The following BTD variants were observed in gnomAD, a reference collection of about 807,000 sequenced individuals.
BTD encodes biotinidase.
BTD carries 13 observed loss-of-function variants against 17.7 expected under a neutral mutation model. The ratio of observed to expected loss-of-function variants is 0.74; its 90% CI spans 0.48 to 1.17. The LOEUF is 1.17. BTD is among the 50% of genes most tolerant of loss of function. The pLI, the probability that BTD is intolerant of heterozygous loss-of-function variation, is 0.00. For missense variants in BTD, 674 were observed against 650.4 expected (o/e 1.04, Z -0.39); for synonymous variants, 240 against 245.2 (o/e 0.98, Z 0.20).
Position 15,644,640 on chromosome 3 carries a change from A to C in BTD, c.724A>C (p.Lys242Gln). The change falls in exon 4 of 4, where the codon AAG (lysine) becomes CAG (glutamine). Residue 242 changes from lysine to glutamine, a missense_variant. By Grantham distance (53) the Lys-to-Gln change is moderately conservative. Transcript: ENST00000643237. Reference protein sequence around the residue: ...DPAIRVLRDYKVKHVVYPTAW... With the variant: ...DPAIRVLRDYQVKHVVYPTAW... ...TGCCATCAGAGTCCTCAGAGACTACAAGGTGAAGCATGTTGTGTACCCAAC... is the reference window on the plus strand; with the variant it reads ...TGCCATCAGAGTCCTCAGAGACTACCAGGTGAAGCATGTTGTGTACCCAAC... The C allele has an allele frequency of 6.2e-7, 1 of 1,614,198 alleles. No homozygotes were observed. Among genetic ancestry groups the C allele is most frequent in the Non-Finnish European group, 8.5e-7 (1 of 1,180,042 alleles).
intron 4 of BTD, chr3:15,720,845 G>A (rs2073650678): frequency 1.6e-5 from 21 of 1,352,918 alleles, no homozygotes; most frequent in Non-Finnish European, 2.2e-5. Context: ...ATTGCTCAAT[G>A]GTATTCACCA....
intron 3 of BTD, among the ~76,000 whole-genome samples, chr3:15,659,607 A>T (rs757609598): frequency 3.5e-4 from 53 of 152,214 alleles, no homozygotes; most frequent in Non-Finnish European, 5.6e-4. Flanking sequence ...GAGGACCCAG[A>T]CTAACAGAGT....
exon 4 of BTD, chr3:15,712,068 C>T: frequency 8.6e-7 from 1 of 1,156,402 alleles, no homozygotes; most frequent in South Asian, 1.3e-5. Flanking sequence ...TTTTAAAAAG[C>T]AGGATAGAGA....
At chr3:15,603,851 A>T (rs575373270) in intron 1 of BTD, among the ~76,000 whole-genome samples, 214 of 152,234 alleles carry the variant, frequency 1.4e-3, no homozygotes, top group African/African-American at 5.1e-3. Context: ...CTCCAAAATG[A>T]TCTTTGGATC....
At chr3:15,618,826 A>G (rs138961260) in intron 1 of BTD, among the ~76,000 whole-genome samples, 1 of 152,228 alleles carries the variant, frequency 6.6e-6, no homozygotes. Context: ...TGCCCAGCCA[A>G]TAGTATTATG....
At chr3:15,641,520 G>A (rs1298952019) in intron 2 of BTD, among the ~76,000 whole-genome samples, 1 of 152,170 alleles carries the variant, frequency 6.6e-6, no homozygotes, top group Admixed American at 6.5e-5. Flanking sequence ...GTGTTAATGG[G>A]CCCAATGTAT....
At chr3:15,717,940 A>G (rs2073262862) in intron 4 of BTD, among the ~76,000 whole-genome samples, 1 of 152,216 alleles carries the variant, frequency 6.6e-6, no homozygotes, top group Non-Finnish European at 1.5e-5. Flanking sequence ...AAACAACAAA[A>G]TGGAGAATGT....
chr3:15,622,404 C>T (rs191364777), intron 1 of BTD, among the ~76,000 whole-genome samples: 1 of 152,260 alleles, frequency 6.6e-6, no homozygotes, highest in Admixed American at 6.5e-5. Flanking sequence ...CTACTGTGGT[C>T]TGAGAGCAGA....
At chr3:15,716,639 G>A (rs1278357304), downstream of BTD, among the ~76,000 whole-genome samples, 2 of 151,550 alleles carry the variant, frequency 1.3e-5, no homozygotes, top group African/African-American at 4.9e-5. Context: ...TTGATAAGAA[G>A]GATAAGAAAA....
chr3:15,622,986 G>A lies in BTD; in HGVS notation c.-16-12438G>A, dbSNP rs535379554. Among the ~76,000 whole-genome samples, 292 of 152,326 alleles carry A rather than the reference G, an allele frequency of 1.9e-3. 1 individual carries two copies. Among genetic ancestry groups the A allele is most frequent in the Middle Eastern group, 0.01 (3 of 294 alleles). ...TGGACTCACAGTTCCACATGGCTGG[G>A]GAGGCTTCACAATCATGGCAGAAGG... On this transcript the variant is annotated intron_variant, in intron 1 of 3. Transcript: ENST00000643237.
intron 4 of BTD, among the ~76,000 whole-genome samples, chr3:15,720,433 C>T (rs769285607): frequency 2.6e-5 from 4 of 152,172 alleles, no homozygotes; most frequent in Non-Finnish European, 5.9e-5. Flanking sequence ...TAGATACAGA[C>T]ATCATACATG....
intron 3 of BTD, chr3:15,696,146 T>C (rs199790212): frequency 4.6e-5 from 73 of 1,579,144 alleles, no homozygotes; most frequent in Middle Eastern, 1.7e-4. Context: ...GCTGAAGACA[T>C]AGACGGTGAC....
At position 15,689,281 on chromosome 3, in the gene BTD, C is replaced by T. The variant is rs564284045; in HGVS notation, c.400-20779C>T. ...AGCACAACCTTCAAAACAACACAGG[C>T]GCCTCTCTGATCCTGCCCTACCTAA... On this transcript the variant is annotated intron_variant, in intron 3 of 3. Coordinates refer to the BTD transcript ENST00000672141. 1.5e-3 allele frequency among the ~76,000 whole-genome samples: 225 copies of T among 152,264 alleles called. 1 individual carries two copies. Among genetic ancestry groups the T allele is most frequent in the Non-Finnish European group, 2.6e-3 (174 of 68,016 alleles).
exon 4 of BTD, among the ~76,000 whole-genome samples, chr3:15,711,720 T>C (rs2072309772): frequency 6.6e-6 from 1 of 151,890 alleles, no homozygotes; most frequent in Admixed American, 6.6e-5. Flanking sequence ...AGAGTCTCGC[T>C]CTGTCTCCTA....
chr3:15,700,731 G>T (rs146639440), intron 3 of BTD, among the ~76,000 whole-genome samples: 3 of 152,014 alleles, frequency 2.0e-5, no homozygotes, highest in African/African-American at 7.3e-5. Context: ...CAGAGATCGC[G>T]CCACTGCACT....
At chr3:15,605,617 C>A (rs1001501620) in intron 1 of BTD, among the ~76,000 whole-genome samples, 1 of 152,052 alleles carries the variant, frequency 6.6e-6, no homozygotes, top group Non-Finnish European at 1.5e-5. Context: ...AATAAAGATA[C>A]AATTCAATGT....
intron 1 of BTD, among the ~76,000 whole-genome samples, chr3:15,612,069 TTTCC>T (rs1309624177): frequency 6.6e-6 from 1 of 152,188 alleles, no homozygotes; most frequent in African/African-American, 2.4e-5. Context: ...CTTATTTTTA[TTTCC>T]TTCCTTTTGC....
chr3:15,722,496 A>G (rs551069073), downstream of BTD, among the ~76,000 whole-genome samples: 48 of 152,286 alleles, frequency 3.2e-4, no homozygotes, highest in Non-Finnish European at 6.3e-4. Context: ...CCCTGTAATA[A>G]ACCACAACCA....
intron 2 of BTD, among the ~76,000 whole-genome samples, chr3:15,637,693 A>G (rs1314539098): frequency 1.3e-5 from 2 of 152,182 alleles, no homozygotes; most frequent in African/African-American, 4.8e-5. Flanking sequence ...CATTCTCTTG[A>G]TAGAGATGTT....
Sources: allele counts gnomAD v4.1 joint callset (sites outside exome capture counted in the v4.1 genomes callset), GRCh38; gene constraint gnomAD v4.1.1; transcripts MANE v1.5; gene names NCBI Gene and HGNC (gene_info 2026-07-23, HGNC 2026-07-21).